Variants in PLCE1 observed in about 807,000 individuals in gnomAD.
PLCE1 encodes 1-phosphatidylinositol 4,5-bisphosphate phosphodiesterase epsilon-1.
In PLCE1, 119 loss-of-function variants were observed where a neutral mutation model predicts 242.8. The observed-to-expected ratio is 0.49, with a 90% confidence interval of 0.42 to 0.57. The LOEUF (loss-of-function observed/expected upper bound fraction) is 0.57. PLCE1 is among the 20% of genes least tolerant of loss of function. The pLI is 0.00. For synonymous variants in PLCE1, 945 were observed against 1,017.4 expected (o/e 0.93, Z 1.35); for missense variants, 2,441 against 2,788.8 (o/e 0.88, Z 2.81).
intron 2 of PLCE1, among the ~76,000 whole-genome samples, chr10:94,116,862 G>A (rs2046148297): frequency 6.6e-6 from 1 of 152,170 alleles, no homozygotes; most frequent in African/African-American, 2.4e-5. Flanking sequence ...TCATGTTGAA[G>A]AATTGGAAAG....
At chr10:94,315,900 C>A (rs556294445) in intron 28 of PLCE1, among the ~76,000 whole-genome samples, 2 of 148,776 alleles carry the variant, frequency 1.3e-5, no homozygotes, top group South Asian at 4.3e-4. Flanking sequence ...TTGTGTAGAT[C>A]GGAAAACAGT....
intron 4 of PLCE1, among the ~76,000 whole-genome samples, chr10:94,191,463 GA>G (rs2048664458): frequency 6.6e-6 from 1 of 152,084 alleles, no homozygotes; most frequent in Non-Finnish European, 1.5e-5. Flanking sequence ...GCGACATAGC[GA>G]GACCCGGTCT....
rs1373248091 is a variant in PLCE1, at chr10:94,287,372, C to T, written c.5035+2407C>T. ...CATGAGGAAAATACTATAAACTGTTCATTTTGCTATGCCGTTTATTTTAAT... is the reference window on the plus strand; with the variant it reads ...CATGAGGAAAATACTATAAACTGTTTATTTTGCTATGCCGTTTATTTTAAT... On this transcript the variant is annotated intron_variant, in intron 22 of 32. Transcript: ENST00000371380. 4.6e-5 allele frequency: 7 copies of T among 151,134 alleles called. No homozygotes were observed. In the East Asian group the frequency reaches 1.2e-3, roughly 25 times the overall value. 9.4% of individuals were successfully genotyped at this position (151,134 alleles called of 1,614,324 possible). A position where few individuals can be genotyped will look rare whatever the true frequency, so the allele number is the denominator to read the frequency against.
At chr10:94,325,398 C>T (rs2053972693) in intron 32 of PLCE1, 44 of 315,858 alleles carry the variant, frequency 1.4e-4, no homozygotes, top group South Asian at 1.3e-3. Context: ...CAGTTCAAGA[C>T]CAGCCTGACC....
At chr10:94,133,164 T>C (rs1263650515) in intron 3 of PLCE1, among the ~76,000 whole-genome samples, 1 of 152,070 alleles carries the variant, frequency 6.6e-6, no homozygotes, top group African/African-American at 2.4e-5. Context: ...CAGAGTGAAA[T>C]ATAGATCTCC....
intron 4 of PLCE1, among the ~76,000 whole-genome samples, chr10:94,183,970 G>A (rs930974145): frequency 6.6e-5 from 10 of 152,098 alleles, no homozygotes; most frequent in African/African-American, 2.2e-4. Flanking sequence ...CCCAACATTG[G>A]GGATCACATT....
chr10:94,323,524 A>T (rs554474773), intron 30 of PLCE1, among the ~76,000 whole-genome samples: 1 of 152,382 alleles, frequency 6.6e-6, no homozygotes, highest in Non-Finnish European at 1.5e-5. Context: ...CGTTGGCTCC[A>T]GCAAAACACT....
chr10:94,301,140 T>G (rs1424007200), intron 24 of PLCE1, among the ~76,000 whole-genome samples: 1 of 150,996 alleles, frequency 6.6e-6, no homozygotes, highest in East Asian at 2.0e-4. Flanking sequence ...AGGTCAGGAG[T>G]TCAAGACCAG....
chr10:94,121,246 G>C (rs1291744732), intron 2 of PLCE1: 1 of 152,274 alleles, frequency 6.6e-6, no homozygotes, highest in East Asian at 1.9e-4. Context: ...AGGAGACTAG[G>C]AGAGGGTTGT....
chr10:94,270,426 C>T lies in PLCE1; in HGVS notation c.4390-60C>T, dbSNP rs146497441. 1,287 of 1,076,218 alleles carry T rather than the reference C, an allele frequency of 1.2e-3. 1 individual carries two copies. The highest frequency in any genetic ancestry group is 1.6e-3 in the Non-Finnish European group (1,124 of 692,216). The allele number at this position is 1,076,218 out of a possible 1,614,324, so 66.7% of individuals were successfully genotyped here. A position where few individuals can be genotyped will look rare whatever the true frequency, so the allele number is the denominator to read the frequency against. On this transcript the variant is annotated intron_variant, in intron 17 of 32. Transcript: ENST00000371380. ...GATGCTTTCTGTGGCTATAACTACCCTGCCTTCTGACCACCTTGACAGATA... is the reference window on the plus strand; with the variant it reads ...GATGCTTTCTGTGGCTATAACTACCTTGCCTTCTGACCACCTTGACAGATA...
At chr10:94,122,798 G>C (rs956129681) in intron 2 of PLCE1, among the ~76,000 whole-genome samples, 1 of 152,210 alleles carries the variant, frequency 6.6e-6, no homozygotes, top group African/African-American at 2.4e-5. Flanking sequence ...ATCACCTGAA[G>C]GGCTTGCTAA....
At chr10:94,226,770 T>C (rs2049952398) in intron 4 of PLCE1, among the ~76,000 whole-genome samples, 2 of 151,214 alleles carry the variant, frequency 1.3e-5, no homozygotes, top group African/African-American at 4.8e-5. Flanking sequence ...ATTGCCTTTT[T>C]CAGCCTTCTT....
At chr10:94,225,094 T>TTTCA (rs1056179812) in intron 4 of PLCE1, 32 of 152,236 alleles carry the variant, frequency 2.1e-4, no homozygotes, top group African/African-American at 7.2e-4. Context: ...CTTCAGTCTG[T>TTTCA]TTCAGAAGGG....
intron 2 of PLCE1, among the ~76,000 whole-genome samples, chr10:94,042,331 G>C (rs1485337000): frequency 2.0e-5 from 3 of 152,184 alleles, no homozygotes; most frequent in South Asian, 2.1e-4. Flanking sequence ...GGGCTTCCCA[G>C]ATGTCTTGTC....
chr10:94,167,780 A>T lies in PLCE1; in HGVS notation c.1493-3400A>T, dbSNP rs2047855384. On this transcript the variant is annotated intron_variant, in intron 3 of 32. Coordinates refer to ENST00000371380, the MANE Select transcript of PLCE1 (RefSeq NM_016341.4). ...TCCTTGCGATAGTTTGCTGAGAATGATGGTTTCCAGCTTCATCCATGTCCC... is the reference window on the plus strand; with the variant it reads ...TCCTTGCGATAGTTTGCTGAGAATGTTGGTTTCCAGCTTCATCCATGTCCC... 2.0e-5 allele frequency among the ~76,000 whole-genome samples: 3 copies of T among 148,766 alleles called. No individual in the cohort carries two copies. In the South Asian group the frequency reaches 6.4e-4, roughly 32 times the overall value.
chr10:94,226,681 A>G (rs1475489381), intron 4 of PLCE1, among the ~76,000 whole-genome samples: 1 of 152,094 alleles, frequency 6.6e-6, no homozygotes, highest in East Asian at 1.9e-4. Context: ...CATCAGTCAA[A>G]TATCTTTCAA....
At chr10:94,009,085 A>C (rs776246635) in intron 1 of PLCE1, among the ~76,000 whole-genome samples, 15 of 152,200 alleles carry the variant, frequency 9.9e-5, no homozygotes, top group South Asian at 2.1e-4. Flanking sequence ...ATTTATTAAA[A>C]ATTTAAAAAG....
chr10:94,308,224 T>C (rs2053270667), intron 26 of PLCE1, among the ~76,000 whole-genome samples: 2 of 152,258 alleles, frequency 1.3e-5, no homozygotes, highest in South Asian at 4.1e-4. Context: ...GTGGGAATGT[T>C]CTATTATCAC....
At chr10:94,309,917 C>A (rs7100626) in intron 27 of PLCE1, among the ~76,000 whole-genome samples, 10,883 of 152,026 alleles carry the variant, frequency 0.072, 482 homozygotes, top group East Asian at 0.19. Flanking sequence ...TCCCAGCTAC[C>A]TGGGAGGCTG....
Sources: allele counts gnomAD v4.1 joint callset (sites outside exome capture counted in the v4.1 genomes callset), GRCh38; gene constraint gnomAD v4.1.1; transcripts MANE v1.5; gene names NCBI Gene and HGNC (gene_info 2026-07-23, HGNC 2026-07-21).